The following PTPN3 variants were observed in gnomAD, a reference collection of about 807,000 sequenced individuals.
PTPN3 encodes the protein tyrosine-protein phosphatase non-receptor type 3.
In PTPN3, 96 loss-of-function variants were observed where a neutral mutation model predicts 132.7. That is an observed-to-expected ratio of 0.72 (90% CI 0.61 to 0.86). The LOEUF is 0.86. Ranked by LOEUF, PTPN3 falls within the 40% of genes least tolerant of loss-of-function variation. The pLI, the probability that PTPN3 is intolerant of heterozygous loss-of-function variation, is 0.00. For missense variants in PTPN3, 1,125 were observed against 1,159.6 expected, an observed-to-expected ratio of 0.97 and a Z score of 0.43; for synonymous variants, 398 against 429.0, an observed-to-expected ratio of 0.93 and a Z score of 0.89.
the PTPN3 span, among the ~76,000 whole-genome samples, chr9:109,503,913 A>G: frequency 8.5e-5 from 13 of 152,294 alleles, no homozygotes; most frequent in South Asian, 2.3e-3. Context: ...ACATCTGTGA[A>G]CAAAACAAAA....
chr9:109,452,605 A>G (rs1419222948), intron 5 of PTPN3, among the ~76,000 whole-genome samples: 1 of 151,776 alleles, frequency 6.6e-6, no homozygotes, highest in Admixed American at 6.6e-5. Context: ...TCAGTCGATC[A>G]CTTAGGCTGG....
At chr9:109,492,361 T>C (rs1847500915) in intron 1 of PTPN3, among the ~76,000 whole-genome samples, 3 of 152,340 alleles carry the variant, frequency 2.0e-5, no homozygotes, top group African/African-American at 7.2e-5. Context: ...TGCACAGTCC[T>C]GGATGCTCCC....
At chr9:109,485,304 G>A (rs1455787644) in intron 1 of PTPN3, among the ~76,000 whole-genome samples, 4 of 152,082 alleles carry the variant, frequency 2.6e-5, no homozygotes, top group East Asian at 1.9e-4. Context: ...TCAGGAGATC[G>A]AGACCATCCT....
Position 109,408,792 on chromosome 9 carries a change from A to ATATATATAT in PTPN3, c.1579-416_1579-415insATATATATA, listed in dbSNP as rs1485415942. Among the ~76,000 whole-genome samples the ATATATATAT allele has an allele frequency of 4.2e-3, 262 of 62,332 alleles. 2 individuals are homozygous for ATATATATAT. The highest frequency in any genetic ancestry group is 0.011 in the East Asian group (35 of 3,078). 40.9% of individuals were successfully genotyped at this position (62,332 alleles called of 152,430 possible). ...GAACTTATAATAATTAAAAAAAAAAAAAAAATATATATATATATATATATA... is the reference window on the plus strand; with the variant it reads ...GAACTTATAATAATTAAAAAAAAAAATATATATATAAAAATATATATATATATATATATA... On this transcript the variant is annotated intron_variant, in intron 16 of 25. Transcript: ENST00000374541.
chr9:109,383,505 T>A lies in PTPN3; in HGVS notation c.2300A>T (p.His767Leu). Residue 767 changes from histidine to leucine, a missense_variant, in exon 23 of 26, where the codon CAC becomes CTC. Physicochemically the swap from His to Leu is moderately conservative, Grantham distance 99. Coordinates refer to ENST00000374541, the MANE Select transcript of PTPN3 (RefSeq NM_002829.4). ...YWPDPPDVMN[H>L]GGFHIQCQSE... ...CTGACACTGGATGTGAAAGCCGCCG[T>A]GGTTCATGACGTCGGGGGGATCTGG... is the stretch of plus-strand genomic sequence containing the variant. 2 of 1,613,690 alleles carry A rather than the reference T, an allele frequency of 1.2e-6. No homozygotes were observed. Among genetic ancestry groups the A allele is most frequent in the Non-Finnish European group, 1.7e-6 (2 of 1,179,924 alleles).
intron 7 of PTPN3, among the ~76,000 whole-genome samples, chr9:109,444,619 ACAT>A (rs569481157): frequency 2.3e-3 from 349 of 152,344 alleles, no homozygotes; most frequent in Non-Finnish European, 3.6e-3. Flanking sequence ...ATTAAATAAA[ACAT>A]AAAAAACCTC....
intron 17 of PTPN3, 35 bp from the exon 18 acceptor site, chr9:109,406,653 C>T (rs1323197041): frequency 6.2e-7 from 1 of 1,610,308 alleles, no homozygotes; most frequent in Admixed American, 1.7e-5. Context: ...TCTCCTGTTA[C>T]CATAACACAG....
At chr9:109,494,073 AAGG>A (rs139465238) in intron 1 of PTPN3, among the ~76,000 whole-genome samples, 6,748 of 152,322 alleles carry the variant, frequency 0.044, 283 homozygotes, top group East Asian at 0.23. Flanking sequence ...AGGTGAAAAC[AAGG>A]AGAATAGGCA....
rs549507650 is a variant in PTPN3 at position 109,396,955 on chromosome 9, C to T, written c.1954-5394G>A. ...CACACCCCCAACTGGCTCTAACCAGCGGATGCTGGCAAGGCCCAGCAAGTG... is the reference window on the plus strand; with the variant it reads ...CACACCCCCAACTGGCTCTAACCAGTGGATGCTGGCAAGGCCCAGCAAGTG... On this transcript the variant is annotated intron_variant, in intron 19 of 25. Transcript: ENST00000374541. Among the ~76,000 whole-genome samples, 24 of 152,288 alleles carry T rather than the reference C, an allele frequency of 1.6e-4. 1 individual carries two copies. The South Asian group carries it at 3.7e-3, about 24-fold the overall frequency.
At chr9:109,426,916 C>G (rs531913843) in intron 12 of PTPN3, 34 bp downstream of exon 12, 1 of 1,568,046 alleles carries the variant, frequency 6.4e-7, no homozygotes, top group Non-Finnish European at 8.8e-7. Flanking sequence ...TACATCTCAG[C>G]CTAGTGTGGA....
chr9:109,431,907 T>C (rs530991241), intron 10 of PTPN3, among the ~76,000 whole-genome samples: 103 of 152,146 alleles, frequency 6.8e-4, no homozygotes, highest in African/African-American at 2.4e-3. Flanking sequence ...AGTGCCTATT[T>C]GGAGTTTAAA....
intron 10 of PTPN3, 89 bp downstream of exon 10, chr9:109,432,984 T>C: frequency 6.5e-7 from 1 of 1,528,098 alleles, no homozygotes; most frequent in South Asian, 1.3e-5. Flanking sequence ...TCTTTAGAAA[T>C]AAACATTTAG....
chr9:109,454,594 CAAATT>C lies in PTPN3; in HGVS notation c.290-25_290-21del. The C allele has an allele frequency of 1.3e-6, 2 of 1,593,842 alleles. No individual in the cohort carries two copies. Among genetic ancestry groups the C allele is most frequent in the Non-Finnish European group, 1.7e-6 (2 of 1,163,460 alleles). On this transcript the variant is annotated intron_variant, in intron 4 of 25. Transcript: ENST00000374541. ...AACCTCCTACAACATTTTTCAAAAA[CAAATT>C]AAATTTTCCCTTTGACAAAGTCAAT...
intron 19 of PTPN3, among the ~76,000 whole-genome samples, chr9:109,401,706 G>A (rs1333440431): frequency 1.3e-5 from 2 of 152,006 alleles, no homozygotes. Flanking sequence ...TCACCTAGAG[G>A]CATTGCCCAG....
At chr9:109,385,628 C>A (rs935559606) in intron 22 of PTPN3, among the ~76,000 whole-genome samples, 1 of 152,170 alleles carries the variant, frequency 6.6e-6, no homozygotes, top group African/African-American at 2.4e-5. Context: ...TGGTAATACT[C>A]TGGAATGACA....
chr9:109,427,156 C>G (rs985426602), intron 11 of PTPN3, 34 bp from the exon 12 acceptor site: 2 of 1,605,878 alleles, frequency 1.2e-6, no homozygotes, highest in African/African-American at 2.7e-5. Flanking sequence ...TTCACCCACA[C>G]AGACATAGGA....
At chr9:109,453,204 G>T (rs1283133183) in intron 5 of PTPN3, among the ~76,000 whole-genome samples, 1 of 152,134 alleles carries the variant, frequency 6.6e-6, no homozygotes. Context: ...TTAATATTTG[G>T]CCTTTCAACA....
intron 5 of PTPN3, chr9:109,449,315 G>A: frequency 3.0e-6 from 3 of 988,618 alleles, no homozygotes; most frequent in Non-Finnish European, 3.6e-6. Flanking sequence ...GTTGCTAAAA[G>A]GAGGGGAGTC....
rs770183844 is a variant in PTPN3, at chr9:109,420,436, C to T, written c.1301G>A (p.Ser434Asn). Residue 434 changes from serine (S) to asparagine (N), a missense_variant, in exon 14 of 26, where the codon AGC (serine) becomes AAC (asparagine). By Grantham distance (46) the Ser-to-Asn change is conservative. Transcript: ENST00000374541. ...DSDSEVSQNRSPHQESLSENN... is the reference protein window; with the variant it reads ...DSDSEVSQNRNPHQESLSENN... Reference sequence around the variant, plus strand: ...ACGAGTTTCTTACTCTTGGTGCGGGCTTCGGTTCTGAGAAACTTCAGAATC... The same window carrying T: ...ACGAGTTTCTTACTCTTGGTGCGGGTTTCGGTTCTGAGAAACTTCAGAATC... The T allele has an allele frequency of 1.3e-6, 2 of 1,599,594 alleles. No individual in the cohort carries two copies. The highest frequency in any genetic ancestry group is 1.3e-5 in the African/African-American group (1 of 74,772).
Sources: gnomAD v4.1 joint callset for allele counts (sites outside exome capture counted in the v4.1 genomes callset) on GRCh38, gnomAD v4.1.1 for gene constraint, MANE v1.5 for transcripts, NCBI Gene and HGNC (gene_info 2026-07-23, HGNC 2026-07-21) for gene names.